The following MRE11 variants were observed in gnomAD, a reference collection of about 807,000 sequenced individuals.
The protein encoded by MRE11 is double-strand break repair protein MRE11.
Under a neutral mutation model 91.7 loss-of-function variants are expected in MRE11, and 62 were observed. The ratio of observed to expected loss-of-function variants is 0.68; its 90% CI spans 0.55 to 0.84. The LOEUF is 0.84. Ranked by LOEUF, MRE11 falls within the 40% of genes least tolerant of loss-of-function variation. MRE11 has a pLI of 0.00. For synonymous variants in MRE11, 273 were observed against 271.4 expected (o/e 1.01, Z -0.06); for missense variants, 796 against 852.9 (o/e 0.93, Z 0.83).
rs1947321131 is a variant in MRE11, at chr11:94,492,773, G to A, written c.20+9C>T. ...AAATAACAAGGGATTCCAGAAGTCAGGTGCTTACAGTGCATCTGCAGTACT... is the reference window on the plus strand; with the variant it reads ...AAATAACAAGGGATTCCAGAAGTCAAGTGCTTACAGTGCATCTGCAGTACT... On this transcript the variant is annotated intron_variant, in intron 2 of 19. Coordinates refer to ENST00000323929, the MANE Select transcript of MRE11 (RefSeq NM_005591.4). The A allele has an allele frequency of 6.2e-7, 1 of 1,613,998 alleles. No homozygotes were observed. Among genetic ancestry groups the A allele is most frequent in the Admixed American group, 1.7e-5 (1 of 60,020 alleles).
intron 19 of MRE11, among the ~76,000 whole-genome samples, chr11:94,425,138 C>T (rs995204830): frequency 2.6e-5 from 4 of 152,170 alleles, no homozygotes; most frequent in African/African-American, 9.7e-5. Context: ...CATCAGGCTA[C>T]CAGCGGACAT....
chr11:94,489,944 C>T (rs1055597022), intron 3 of MRE11, among the ~76,000 whole-genome samples: 3 of 152,124 alleles, frequency 2.0e-5, no homozygotes, highest in Non-Finnish European at 2.9e-5. Flanking sequence ...GAGTCACTGT[C>T]ATCCCTTTGC....
the MRE11 span, among the ~76,000 whole-genome samples, chr11:94,500,145 A>G: frequency 6.6e-6 from 1 of 152,220 alleles, no homozygotes; most frequent in African/African-American, 2.4e-5. Context: ...TTATCCAAGC[A>G]GACTGCTGAA....
intron 19 of MRE11, among the ~76,000 whole-genome samples, chr11:94,422,869 ATG>A (rs1211791048): frequency 5.3e-5 from 8 of 152,016 alleles, no homozygotes; most frequent in African/African-American, 1.9e-4. Flanking sequence ...ATGTGCCACC[ATG>A]TCCGGCTAAT....
chr11:94,430,275 G>A (rs562542235), intron 18 of MRE11, among the ~76,000 whole-genome samples: 1 of 152,204 alleles, frequency 6.6e-6, no homozygotes, highest in East Asian at 1.9e-4. Flanking sequence ...GTTTTATAAA[G>A]ACTAAATGTG....
At position 94,418,460 on chromosome 11, in the gene MRE11, A is replaced by C. The variant is rs1267921038; in HGVS notation, c.*1665T>G. 8.6e-6 allele frequency: 2 copies of C among 231,804 alleles called. No homozygotes were observed. The highest frequency in any genetic ancestry group is 1.1e-4 in the Admixed American group (2 of 17,698). 14.4% of individuals were successfully genotyped at this position (231,804 alleles called of 1,614,324 possible). ...AGGATACTTTAGTGACCATTCCCTC[A>C]CTATAACTCTCACCCAGACCCACCT... On this transcript the variant is annotated 3_prime_UTR_variant, in exon 20 of 20. Coordinates refer to ENST00000323929, the MANE Select transcript of MRE11 (RefSeq NM_005591.4).
At chr11:94,458,861 T>C (rs1169957679) in intron 13 of MRE11, among the ~76,000 whole-genome samples, 2 of 152,084 alleles carry the variant, frequency 1.3e-5, no homozygotes. Flanking sequence ...CTATCAAATG[T>C]TTAATTATTT....
Position 94,486,588 on chromosome 11 carries a change from C to T in MRE11, c.154-504G>A, listed in dbSNP as rs564196713. ...GATACAATGATGAATAAAATATGAT[C>T]CCTATCCTAAATATGTTCAAACTCT... On this transcript the variant is annotated intron_variant, in intron 3 of 19. Coordinates refer to ENST00000323929, the MANE Select transcript of MRE11 (RefSeq NM_005591.4). Among the ~76,000 whole-genome samples, 301 of 152,282 alleles carry T rather than the reference C, an allele frequency of 2.0e-3. 2 individuals are homozygous for T. Among genetic ancestry groups the T allele is most frequent in the South Asian group, 8.1e-3 (39 of 4,826 alleles).
intron 7 of MRE11, among the ~76,000 whole-genome samples, chr11:94,472,317 G>C (rs942208732): frequency 3.3e-5 from 5 of 152,030 alleles, no homozygotes; most frequent in African/African-American, 1.2e-4. Context: ...AAAGATACAT[G>C]AAATGCAAGG....
chr11:94,491,093 A>C (rs1027003731), intron 2 of MRE11, 128 bp from the exon 3 acceptor site: 4 of 663,420 alleles, frequency 6.0e-6, no homozygotes, highest in South Asian at 2.0e-5. Flanking sequence ...TTAGCCTTAG[A>C]GTTCATCTGA....
intron 19 of MRE11, among the ~76,000 whole-genome samples, chr11:94,420,797 C>T (rs1945149353): frequency 6.6e-6 from 1 of 152,110 alleles, no homozygotes; most frequent in Non-Finnish European, 1.5e-5. Context: ...CTTTGGAAGG[C>T]CGAGGCGGGT....
At chr11:94,470,786 AC>A (rs1946689259) in intron 8 of MRE11, 144 bp from the exon 9 acceptor site, 2 of 906,102 alleles carry the variant, frequency 2.2e-6, no homozygotes, top group Admixed American at 4.3e-5. Context: ...TGCTAATTTA[AC>A]CTTAATGTTA....
At chr11:94,512,331 T>C in the MRE11 span, 1 of 427,036 alleles carries the variant, frequency 2.3e-6, no homozygotes, top group Non-Finnish European at 3.9e-6. Context: ...TTTGCTTTGG[T>C]CAATGATAAT....
chr11:94,505,065 TAAAC>T, the MRE11 span, among the ~76,000 whole-genome samples: 1 of 152,224 alleles, frequency 6.6e-6, no homozygotes, highest in African/African-American at 2.4e-5. Context: ...ATGCTAAATG[TAAAC>T]AAACCTACTG....
intron 19 of MRE11, among the ~76,000 whole-genome samples, chr11:94,426,929 A>T (rs534807511): frequency 6.6e-6 from 1 of 152,312 alleles, no homozygotes; most frequent in South Asian, 2.1e-4. Flanking sequence ...CAACCAAAAA[A>T]GCCCTAGACT....
In MRE11 at chr11:94,476,349, A is replaced by G. The variant is rs758547697; in HGVS notation, c.599T>C (p.Met200Thr). The change falls in exon 7 of 20, where the codon ATG (methionine) becomes ACG (threonine). Residue 200 changes from methionine (M) to threonine (T), a missense_variant. Transcript: ENST00000323929. Reference sequence around the variant, plus strand: ...GTTCTCATCTTCCTTTGGTCTCAACATTGTTACTTTTTTATTGACAAACAT... The same window carrying G: ...GTTCTCATCTTCCTTTGGTCTCAACGTTGTTACTTTTTTATTGACAAACAT... ...YRMFVNKKVT[M>T]LRPKEDENSW... The G allele has an allele frequency of 5.6e-6, 9 of 1,613,462 alleles. No individual in the cohort carries two copies. The South Asian group carries it at 6.6e-5, about 12-fold the overall frequency.
At chr11:94,477,015 T>A (rs907161630) in intron 6 of MRE11, among the ~76,000 whole-genome samples, 2 of 152,226 alleles carry the variant, frequency 1.3e-5, no homozygotes, top group African/African-American at 4.8e-5. Flanking sequence ...CCAGCACGCC[T>A]GGCCTGTTCC....
At chr11:94,480,646 T>C (rs1012079031) in intron 4 of MRE11, among the ~76,000 whole-genome samples, 1 of 152,234 alleles carries the variant, frequency 6.6e-6, no homozygotes, top group Non-Finnish European at 1.5e-5. Context: ...GTAATTTTGA[T>C]AGGTGCTGCC....
chr11:94,456,053 C>G (rs1946241332), intron 14 of MRE11, among the ~76,000 whole-genome samples: 1 of 152,100 alleles, frequency 6.6e-6, no homozygotes, highest in South Asian at 2.1e-4. Flanking sequence ...TGAGTCACTG[C>G]ACTTGCTAAA....
Sources: allele counts gnomAD v4.1 joint callset (sites outside exome capture counted in the v4.1 genomes callset), GRCh38; gene constraint gnomAD v4.1.1; transcripts MANE v1.5; gene names NCBI Gene and HGNC (gene_info 2026-07-23, HGNC 2026-07-21).